WBP1L: variants seen among roughly 807,000 people sequenced by gnomAD.
The protein encoded by WBP1L is WW domain binding protein 1-like.
WBP1L carries 17 observed loss-of-function variants against 33.7 expected under a neutral mutation model. That is an observed-to-expected ratio of 0.50 (90% confidence interval 0.34 to 0.76). The LOEUF (loss-of-function observed/expected upper bound fraction) is 0.76. WBP1L is among the 30% of genes least tolerant of loss of function. The pLI is 0.01. For missense variants in WBP1L, 389 were observed against 469.4 expected (o/e 0.83, Z 1.58); for synonymous variants, 173 against 190.8 (o/e 0.91, Z 0.77).
chr10:102,792,118 G>A (rs1843508496), intron 1 of WBP1L, among the ~76,000 whole-genome samples: 1 of 152,180 alleles, frequency 6.6e-6, no homozygotes, highest in Non-Finnish European at 1.5e-5. Context: ...GTTTTTTCCA[G>A]TTTGGTGTTG....
chr10:102,790,274 C>A (rs898165732), intron 1 of WBP1L, among the ~76,000 whole-genome samples: 2 of 152,078 alleles, frequency 1.3e-5, no homozygotes, highest in African/African-American at 4.8e-5. Flanking sequence ...CTTTCAATAA[C>A]TATTTTTCTA....
At chr10:102,778,365 C>T (rs914070969) in intron 1 of WBP1L, among the ~76,000 whole-genome samples, 3 of 152,206 alleles carry the variant, frequency 2.0e-5, no homozygotes, top group African/African-American at 7.2e-5. Context: ...ACCTCTTACT[C>T]TACCGAGACA....
intron 1 of WBP1L, among the ~76,000 whole-genome samples, chr10:102,771,004 T>A (rs1325507683): frequency 2.0e-5 from 3 of 152,200 alleles, no homozygotes; most frequent in Admixed American, 2.0e-4. Context: ...CCCATTTGCC[T>A]CCATTTCTGT....
At chr10:102,795,444 G>A (rs1031447308) in intron 1 of WBP1L, among the ~76,000 whole-genome samples, 6 of 152,228 alleles carry the variant, frequency 3.9e-5, no homozygotes, top group Admixed American at 2.6e-4. Flanking sequence ...CTGGGAAAGC[G>A]GAGGCAGAAC....
chr10:102,776,329 C>G (rs968444811), intron 1 of WBP1L: 132 of 1,613,704 alleles, frequency 8.2e-5, no homozygotes, highest in Non-Finnish European at 1.0e-4. Context: ...AATGCTCATT[C>G]CAAGACCTTA....
intron 1 of WBP1L, among the ~76,000 whole-genome samples, chr10:102,758,082 C>T (rs1842999468): frequency 6.7e-6 from 1 of 148,590 alleles, no homozygotes; most frequent in African/African-American, 2.5e-5. Flanking sequence ...ACGGGGTTTC[C>T]CCATGTTGGC....
chr10:102,788,943 ATTATTTTATT>A (rs1249437914), intron 1 of WBP1L, among the ~76,000 whole-genome samples: 2 of 152,066 alleles, frequency 1.3e-5, no homozygotes, highest in African/African-American at 2.4e-5. Flanking sequence ...TACTTTGGAG[ATTATTTTATT>A]TTATTTTATT....
chr10:102,787,030 G>T (rs187685898), intron 1 of WBP1L, among the ~76,000 whole-genome samples: 1 of 152,168 alleles, frequency 6.6e-6, no homozygotes, highest in South Asian at 2.1e-4. Flanking sequence ...TTACTGGCTT[G>T]GTTAGGGGAA....
At chr10:102,797,529 A>G (rs986400532) in intron 1 of WBP1L, among the ~76,000 whole-genome samples, 3 of 151,962 alleles carry the variant, frequency 2.0e-5, no homozygotes, top group South Asian at 2.1e-4. Flanking sequence ...TAAATCTTTT[A>G]AAGTTTTTTT....
intron 1 of WBP1L, among the ~76,000 whole-genome samples, chr10:102,762,709 A>T (rs1221835439): frequency 2.0e-5 from 3 of 152,226 alleles, no homozygotes; most frequent in Admixed American, 2.0e-4. Flanking sequence ...TCCTACTCTT[A>T]TCTGAGATTG....
intron 1 of WBP1L, among the ~76,000 whole-genome samples, chr10:102,787,594 G>A (rs1478171087): frequency 6.6e-6 from 1 of 151,550 alleles, no homozygotes; most frequent in East Asian, 2.0e-4. Flanking sequence ...TTTCCAGAGG[G>A]GGAAAAAAAA....
intron 1 of WBP1L, among the ~76,000 whole-genome samples, chr10:102,748,148 C>T (rs1158751133): frequency 5.3e-5 from 8 of 151,884 alleles, no homozygotes; most frequent in East Asian, 1.9e-4. Context: ...CCCAGCTACT[C>T]GGGAGGCTGA....
At chr10:102,770,757 G>C (rs1259244700) in intron 1 of WBP1L, among the ~76,000 whole-genome samples, 1 of 152,192 alleles carries the variant, frequency 6.6e-6, no homozygotes, top group African/African-American at 2.4e-5. Flanking sequence ...CAGTGTGCAT[G>C]GCAGTCTCAT....
intron 1 of WBP1L, among the ~76,000 whole-genome samples, chr10:102,788,156 T>G (rs1482107320): frequency 1.4e-5 from 2 of 146,098 alleles, no homozygotes; most frequent in African/African-American, 5.0e-5. Flanking sequence ...TTTGAGACAG[T>G]CTCACTCTGT....
chr10:102,792,592 C>CTTTTTTTTTTTTTTTTT (rs11368357), intron 1 of WBP1L, among the ~76,000 whole-genome samples: 33 of 103,572 alleles, frequency 3.2e-4, no homozygotes, highest in Non-Finnish European at 4.0e-4. Flanking sequence ...TTTTTCTTTT[C>CTTTTTTTTTTTTTTTTT]TTTTTTTTTT....
rs1843890807 is a variant in WBP1L, at chr10:102,814,030, T to G, written c.*699T>G. 1 of 152,204 alleles carries G rather than the reference T, an allele frequency of 6.6e-6. No homozygotes were observed. The highest frequency in any genetic ancestry group is 6.5e-5 in the Admixed American group (1 of 15,272). 9.4% of individuals were successfully genotyped at this position (152,204 alleles called of 1,614,324 possible). A position where few individuals can be genotyped will look rare whatever the true frequency, so the allele number is the denominator to read the frequency against. On this transcript the variant is annotated 3_prime_UTR_variant, in exon 4 of 4. Coordinates refer to ENST00000448841, the MANE Select transcript of WBP1L (RefSeq NM_001083913.2). ...TTCTGGTGTGAAAGGTTATACTGCC[T>G]TTTCTTTGTTTGTTTGTTTTTTTCT...
intron 1 of WBP1L, among the ~76,000 whole-genome samples, chr10:102,750,465 A>C (rs1172204077): frequency 6.6e-6 from 1 of 152,136 alleles, no homozygotes; most frequent in Non-Finnish European, 1.5e-5. Context: ...AAGTATACAT[A>C]AATTGGTGTT....
chr10:102,796,902 G>T (rs1843579590), intron 1 of WBP1L, among the ~76,000 whole-genome samples: 1 of 152,188 alleles, frequency 6.6e-6, no homozygotes. Flanking sequence ...TATCTTACAT[G>T]TGAAACTTTT....
intron 1 of WBP1L, among the ~76,000 whole-genome samples, chr10:102,762,159 T>C (rs1843050230): frequency 6.6e-6 from 1 of 152,148 alleles, no homozygotes; most frequent in Non-Finnish European, 1.5e-5. Flanking sequence ...GGCCATCTTT[T>C]AGTGGTCGCA....
Sources: gnomAD v4.1 joint callset for allele counts (sites outside exome capture counted in the v4.1 genomes callset) on GRCh38, gnomAD v4.1.1 for gene constraint, MANE v1.5 for transcripts, NCBI Gene and HGNC (gene_info 2026-07-23, HGNC 2026-07-21) for gene names.